FRMD4B: variants seen among roughly 807,000 people sequenced by gnomAD.
FRMD4B encodes the protein FERM domain containing 4B.
FRMD4B carries 74 observed loss-of-function variants against 141.5 expected under a neutral mutation model. The observed-to-expected ratio is 0.52, with a 90% CI of 0.43 to 0.63. The LOEUF (loss-of-function observed/expected upper bound fraction) is 0.63, where lower values mean the gene tolerates loss of function less well. Among genes scored for constraint, FRMD4B ranks in the 30% least tolerant of loss-of-function variants. The pLI, the probability that FRMD4B is intolerant of heterozygous loss-of-function variation, is 0.00. For synonymous variants in FRMD4B, 506 were observed against 467.9 expected (o/e 1.08, Z -1.05); for missense variants, 1,366 against 1,253.4 (o/e 1.09, Z -1.36).
At chr3:69,336,897 T>C (rs922114334) in intron 1 of FRMD4B, among the ~76,000 whole-genome samples, 1 of 152,174 alleles carries the variant, frequency 6.6e-6, no homozygotes, top group African/African-American at 2.4e-5. Context: ...TGAGCCAAGA[T>C]CATGCCACTA....
chr3:69,499,243 G>C (rs2107056321), intron 1 of FRMD4B, among the ~76,000 whole-genome samples: 1 of 152,212 alleles, frequency 6.6e-6, no homozygotes. Flanking sequence ...GACTCTTTTG[G>C]GCCACAGTAA....
intron 1 of FRMD4B, among the ~76,000 whole-genome samples, chr3:69,374,861 A>T (rs1435659170): frequency 1.3e-5 from 2 of 152,152 alleles, no homozygotes; most frequent in Non-Finnish European, 2.9e-5. Context: ...TGGTGAGAGG[A>T]ATGAGTCAAG....
chr3:69,511,594 GGCCACCCCCA>G (rs1368763216), intron 1 of FRMD4B, among the ~76,000 whole-genome samples: 2 of 152,136 alleles, frequency 1.3e-5, no homozygotes, highest in Non-Finnish European at 2.9e-5. Context: ...AGATCCTTCA[GGCCACCCCCA>G]GCCAATGGCT....
chr3:69,245,096 T>C (rs1021221879), intron 7 of FRMD4B, among the ~76,000 whole-genome samples: 1 of 152,190 alleles, frequency 6.6e-6, no homozygotes, highest in African/African-American at 2.4e-5. Context: ...GCAATATTAA[T>C]TCATTTAATC....
At chr3:69,426,754 C>T (rs1348984729) in intron 2 of FRMD4B, among the ~76,000 whole-genome samples, 3 of 152,230 alleles carry the variant, frequency 2.0e-5, no homozygotes, top group South Asian at 2.1e-4. Flanking sequence ...ACCGTGAAAA[C>T]ACAGGGTCTA....
chr3:69,302,705 G>A (rs775683049), intron 3 of FRMD4B, among the ~76,000 whole-genome samples: 1 of 152,186 alleles, frequency 6.6e-6, no homozygotes, highest in Non-Finnish European at 1.5e-5. Context: ...ACTCACTGTA[G>A]CAACATTTGA....
At chr3:69,515,769 C>T (rs989345213) in intron 1 of FRMD4B, among the ~76,000 whole-genome samples, 4 of 152,048 alleles carry the variant, frequency 2.6e-5, no homozygotes, top group East Asian at 1.9e-4. Context: ...AAGAAACTGA[C>T]GCATATATAG....
chr3:69,500,315 C>G (rs1706472034), intron 1 of FRMD4B, among the ~76,000 whole-genome samples: 1 of 152,184 alleles, frequency 6.6e-6, no homozygotes, highest in African/African-American at 2.4e-5. Context: ...GTCAGCTGCA[C>G]TTGGCAATGA....
rs201372509 is a variant in FRMD4B, at chr3:69,181,678, C to A, written c.2072G>T (p.Arg691Leu). 25 of 1,613,194 alleles carry A rather than the reference C, an allele frequency of 1.5e-5. No homozygotes were observed. In the South Asian group the frequency reaches 1.6e-4, roughly 11 times the overall value. Residue 691 changes from arginine to leucine, a missense_variant, in exon 21 of 23, where the codon CGG becomes CTG. Coordinates refer to ENST00000398540, the MANE Select transcript of FRMD4B (RefSeq NM_015123.3). ...PESSSQHCRQ[R>L]SGSLESQSHL... ...GGACTGGGACTCCAGGCTTCCACTC[C>A]GCTGGCGGCAGTGCTGAGATGAAGA...
At chr3:69,205,531 G>A (rs2093016170) in intron 11 of FRMD4B, among the ~76,000 whole-genome samples, 1 of 151,948 alleles carries the variant, frequency 6.6e-6, no homozygotes, top group African/African-American at 2.4e-5. Context: ...ATTTTTCTTA[G>A]TGATTCTCAA....
chr3:69,396,541 C>T (rs1704476617), intron 2 of FRMD4B, among the ~76,000 whole-genome samples: 1 of 151,980 alleles, frequency 6.6e-6, no homozygotes, highest in African/African-American at 2.4e-5. Flanking sequence ...ACATATCCCT[C>T]TTTGAAGAGA....
At chr3:69,305,693 A>G (rs1701370259) in intron 3 of FRMD4B, among the ~76,000 whole-genome samples, 1 of 152,168 alleles carries the variant, frequency 6.6e-6, no homozygotes, top group South Asian at 2.1e-4. Context: ...GTTCAAGGCT[A>G]CAGTGAGCTA....
chr3:69,485,268 G>T (rs1000521496), intron 1 of FRMD4B, among the ~76,000 whole-genome samples: 1 of 152,212 alleles, frequency 6.6e-6, no homozygotes, highest in Non-Finnish European at 1.5e-5. Flanking sequence ...AGTCGGGGGA[G>T]GCCAGGCAGC....
intron 7 of FRMD4B, among the ~76,000 whole-genome samples, chr3:69,232,568 A>G (rs1559738525): frequency 6.6e-6 from 1 of 152,164 alleles, no homozygotes; most frequent in Non-Finnish European, 1.5e-5. Flanking sequence ...CCCTGACGGA[A>G]TGTGCCAACC....
intron 5 of FRMD4B, among the ~76,000 whole-genome samples, chr3:69,274,508 T>C (rs2093609366): frequency 1.3e-5 from 2 of 152,092 alleles, no homozygotes; most frequent in African/African-American, 2.4e-5. Flanking sequence ...GTTGATTCTT[T>C]ATTTTTTTAT....
intron 5 of FRMD4B, among the ~76,000 whole-genome samples, chr3:69,267,342 A>G (rs1393508541): frequency 6.6e-6 from 1 of 152,106 alleles, no homozygotes; most frequent in Admixed American, 6.6e-5. Flanking sequence ...ACTAAATGCA[A>G]TGTGTGACCC....
chr3:69,179,925 T>C (rs550571386), intron 21 of FRMD4B, among the ~76,000 whole-genome samples: 2 of 152,316 alleles, frequency 1.3e-5, no homozygotes, highest in South Asian at 2.1e-4. Context: ...CCCTATCTTC[T>C]ATTTCTCTAC....
At chr3:69,222,789 T>C (rs1467812210) in intron 8 of FRMD4B, among the ~76,000 whole-genome samples, 1 of 25,436 alleles carries the variant, frequency 3.9e-5, no homozygotes, top group East Asian at 1.5e-3. Context: ...AAAAACTTAA[T>C]TTACTAGAAA....
At chr3:69,481,545 G>C (rs1002855504) in intron 1 of FRMD4B, among the ~76,000 whole-genome samples, 1 of 152,210 alleles carries the variant, frequency 6.6e-6, no homozygotes, top group Non-Finnish European at 1.5e-5. Flanking sequence ...CAGTTAGGCA[G>C]TAAGAATGGC....
Sources: gnomAD v4.1 joint callset for allele counts (sites outside exome capture counted in the v4.1 genomes callset) on GRCh38, gnomAD v4.1.1 for gene constraint, MANE v1.5 for transcripts, NCBI Gene and HGNC (gene_info 2026-07-23, HGNC 2026-07-21) for gene names.